EDF1: variants seen among roughly 807,000 people sequenced by gnomAD.
EDF1 encodes the protein endothelial differentiation related factor 1.
Under a neutral mutation model 20.8 loss-of-function variants are expected in EDF1, and 5 were observed. The observed-to-expected ratio is 0.24, with a 90% CI of 0.13 to 0.51. The LOEUF (loss-of-function observed/expected upper bound fraction) is 0.51, where lower values mean the gene tolerates loss of function less well. Ranked by LOEUF, EDF1 falls within the 20% of genes least tolerant of loss-of-function variation. EDF1 has a pLI of 0.97. For missense variants in EDF1, 137 were observed against 197.8 expected (o/e 0.69, Z 1.84); for synonymous variants, 96 against 78.5 (o/e 1.22, Z -1.18).
At position 136,862,407 on chromosome 9, in the gene EDF1, C is replaced by T; in HGVS notation, c.386-62G>A. 1 of 1,613,976 alleles carries T rather than the reference C, an allele frequency of 6.2e-7. No homozygotes were observed. Among genetic ancestry groups the T allele is most frequent in the Non-Finnish European group, 8.5e-7 (1 of 1,180,010 alleles). Reference sequence around the variant, plus strand: ...AGCTCCCTCCTCCCCCCAACGCTGCCCCTCTTCAACATCTTCCCAGGGAAG... The same window carrying T: ...AGCTCCCTCCTCCCCCCAACGCTGCTCCTCTTCAACATCTTCCCAGGGAAG... On this transcript the variant is annotated intron_variant, in intron 4 of 4. Transcript: ENST00000224073. This position sits in a 1 kb window ranked among gnomAD's most constrained non-coding sequence, Gnocchi z 4.1.
At position 136,866,281 on chromosome 9, in the gene EDF1, T is replaced by C; in HGVS notation, c.-23A>G. 6.3e-7 allele frequency: 1 copy of C among 1,591,672 alleles called. No individual in the cohort carries two copies. ...CATGGCGGGCGAAGACGAGCGTCCGTCCGGCGGCTCAGCGGCAGCTGCTAG... is the reference window on the plus strand; with the variant it reads ...CATGGCGGGCGAAGACGAGCGTCCGCCCGGCGGCTCAGCGGCAGCTGCTAG... On this transcript the variant is annotated 5_prime_UTR_variant, in exon 1 of 5. Transcript: ENST00000224073.
Position 136,862,642 on chromosome 9 carries a change from G to C in EDF1, c.385+264C>G, listed in dbSNP as rs1849126925. The C allele has an allele frequency of 6.7e-7, 1 of 1,500,302 alleles. No homozygotes were observed. The highest frequency in any genetic ancestry group is 8.8e-7 in the Non-Finnish European group (1 of 1,130,520). 92.9% of individuals were successfully genotyped at this position (1,500,302 alleles called of 1,614,324 possible). Reference sequence around the variant, plus strand: ...CGGACCCGCTGTGCTCAGGCTCAGAGAACCATCGCCAACAGCACAGGCTGA... The same window carrying C: ...CGGACCCGCTGTGCTCAGGCTCAGACAACCATCGCCAACAGCACAGGCTGA... On this transcript the variant is annotated intron_variant, in intron 4 of 4. Coordinates refer to ENST00000224073, the MANE Select transcript of EDF1 (RefSeq NM_003792.4). This position sits in a 1 kb window ranked among gnomAD's most constrained non-coding sequence, Gnocchi z 4.1.
intron 1 of EDF1, among the ~76,000 whole-genome samples, chr9:136,864,723 A>G (rs1849180649): frequency 6.6e-6 from 1 of 152,026 alleles, no homozygotes; most frequent in Non-Finnish European, 1.5e-5. Context: ...CTCCGAGTTC[A>G]AGCAATTCTC....
rs2131245139 is a variant in EDF1, at chr9:136,862,404, T to C, written c.386-59A>G. 1.4e-5 allele frequency: 22 copies of C among 1,613,824 alleles called. No individual in the cohort carries two copies. The highest frequency in any genetic ancestry group is 1.8e-5 in the Non-Finnish European group (21 of 1,179,984). On this transcript the variant is annotated intron_variant, in intron 4 of 4. Coordinates refer to ENST00000224073, the MANE Select transcript of EDF1 (RefSeq NM_003792.4). This position sits in a 1 kb window ranked among gnomAD's most constrained non-coding sequence, Gnocchi z 4.1. The stretch of plus-strand genomic sequence containing the variant: ...ACCAGCTCCCTCCTCCCCCCAACGC[T>C]GCCCCTCTTCAACATCTTCCCAGGG...
Sources: gnomAD v4.1 joint callset for allele counts (sites outside exome capture counted in the v4.1 genomes callset) on GRCh38, gnomAD v4.1.1 for gene constraint, Gnocchi (gnomAD v3.1) non-coding constraint, MANE v1.5 for transcripts, NCBI Gene and HGNC (gene_info 2026-07-23, HGNC 2026-07-21) for gene names.